The following ANXA4 variants were observed in gnomAD, a reference collection of about 807,000 sequenced individuals.
ANXA4 encodes the protein annexin A4, also known as 35-beta calcimedin.
ANXA4 carries 39 observed loss-of-function variants against 49.8 expected under a neutral mutation model. That is an observed-to-expected ratio of 0.78 (90% CI 0.61 to 1.02). The LOEUF is 1.02. Ranked by LOEUF, ANXA4 falls within the 50% of genes least tolerant of loss-of-function variation. ANXA4 has a pLI of 0.00. For synonymous variants in ANXA4, 134 were observed against 152.5 expected (o/e 0.88, Z 0.89); for missense variants, 360 against 410.1 (o/e 0.88, Z 1.05).
At chr2:69,740,713 CA>C (rs1670368400), upstream of ANXA4, among the ~76,000 whole-genome samples, 1 of 105,100 alleles carries the variant, frequency 9.5e-6, no homozygotes, top group African/African-American at 4.1e-5. Context: ...GACAATGTCT[CA>C]CTCTGTCGCC....
rs1474981846 is a variant in ANXA4 at position 69,759,363 on chromosome 2, G to A, written c.-47+17188G>A. Among the ~76,000 whole-genome samples the A allele has an allele frequency of 6.6e-5, 10 of 152,104 alleles. 1 individual carries two copies. The highest frequency in any genetic ancestry group is 4.1e-4 in the South Asian group (2 of 4,826). On this transcript the variant is annotated intron_variant, in intron 1 of 12. Transcript: ENST00000394295. ...CACTGGAATAAACAGAAAGTAGATG[G>A]TAAGTTTACATTACTTTAAAAAATG...
chr2:69,653,912 A>G (rs1415648841), intron 2 of ANXA4, among the ~76,000 whole-genome samples: 1 of 152,182 alleles, frequency 6.6e-6, no homozygotes, highest in African/African-American at 2.4e-5. Flanking sequence ...CTTTCTATCT[A>G]TGAGCATGGA....
Position 69,801,430 on chromosome 2 carries a change from C to A in ANXA4, c.98-3103C>A, listed in dbSNP as rs559042951. ...TTTTTTTTTCTTTTTTGAGATGGGG[C>A]CTCGCTCTGTCACTCAGGCTGTGGC... On this transcript the variant is annotated intron_variant, in intron 3 of 12. Coordinates refer to ENST00000394295, the MANE Select transcript of ANXA4 (RefSeq NM_001153.5). 1.3e-3 allele frequency among the ~76,000 whole-genome samples: 188 copies of A among 150,312 alleles called. 1 individual carries two copies. Among genetic ancestry groups the A allele is most frequent in the Middle Eastern group, 7.0e-3 (2 of 286 alleles).
In ANXA4 at chr2:69,786,857, G is replaced by A. The variant is rs376173790; in HGVS notation, c.10-1197G>A. Among the ~76,000 whole-genome samples, 44 of 152,234 alleles carry A rather than the reference G, an allele frequency of 2.9e-4. 1 individual carries two copies. In the East Asian group the frequency reaches 7.5e-3, roughly 26 times the overall value. On this transcript the variant is annotated intron_variant, in intron 2 of 12. Transcript: ENST00000394295. Reference sequence around the variant, plus strand: ...CCACCTCAGCTTCCTGAGTAGCTGGGACTACAGGCCTGTGCCACCATGTGT... The same window carrying A: ...CCACCTCAGCTTCCTGAGTAGCTGGAACTACAGGCCTGTGCCACCATGTGT...
At chr2:69,686,045 AAC>A (rs1275005533) in intron 2 of ANXA4, among the ~76,000 whole-genome samples, 1 of 152,214 alleles carries the variant, frequency 6.6e-6, no homozygotes, top group Non-Finnish European at 1.5e-5. Flanking sequence ...ATAATAATTA[AAC>A]ACAGTAAAAT....
intron 2 of ANXA4, among the ~76,000 whole-genome samples, chr2:69,712,071 G>T (rs1385075857): frequency 1.3e-5 from 2 of 151,042 alleles, no homozygotes; most frequent in Non-Finnish European, 3.0e-5. Context: ...TTCCTGGGGG[G>T]TCTTAGACAC....
chr2:69,718,219 C>T (rs889475781), intron 2 of ANXA4, among the ~76,000 whole-genome samples: 2 of 152,088 alleles, frequency 1.3e-5, no homozygotes, highest in Non-Finnish European at 2.9e-5. Flanking sequence ...GAAGTGAGGA[C>T]CCCAGATTTG....
chr2:69,809,400 G>C (rs939863352), intron 6 of ANXA4: 1 of 152,166 alleles, frequency 6.6e-6, no homozygotes, highest in Non-Finnish European at 1.5e-5. Flanking sequence ...GCTGTGAAGG[G>C]CTGGAGCTTC....
At chr2:69,820,152 G>GT (rs1438164958) in intron 11 of ANXA4, among the ~76,000 whole-genome samples, 6 of 150,562 alleles carry the variant, frequency 4.0e-5, no homozygotes, top group Non-Finnish European at 8.9e-5. Context: ...GCCTAGGCAA[G>GT]TATGTGCAAA....
intron 2 of ANXA4, among the ~76,000 whole-genome samples, chr2:69,693,758 AG>A: frequency 6.6e-6 from 1 of 152,196 alleles, no homozygotes; most frequent in Non-Finnish European, 1.5e-5. Context: ...AGGTTTAACA[AG>A]GGGCAGTAGC....
chr2:69,652,339 A>C (rs1191402665), intron 1 of ANXA4, among the ~76,000 whole-genome samples: 1 of 152,008 alleles, frequency 6.6e-6, no homozygotes, highest in African/African-American at 2.4e-5. Context: ...TTTTCTTTTT[A>C]TATGCTGTAG....
intron 3 of ANXA4, among the ~76,000 whole-genome samples, chr2:69,789,103 A>G (rs189367222): frequency 2.0e-4 from 31 of 152,306 alleles, no homozygotes; most frequent in African/African-American, 7.5e-4. Context: ...TTGTTTTCCA[A>G]TTAGTGCTGG....
chr2:69,788,150 C>G lies in ANXA4; in HGVS notation c.97+9C>G. On this transcript the variant is annotated intron_variant, in intron 3 of 12. Coordinates refer to ENST00000394295, the MANE Select transcript of ANXA4 (RefSeq NM_001153.5). Reference sequence around the variant, plus strand: ...GGCCATGAAAGGGCTCGGTATGTGTCCTGCTGGAAGTGAATCCTCCTGCGT... The same window carrying G: ...GGCCATGAAAGGGCTCGGTATGTGTGCTGCTGGAAGTGAATCCTCCTGCGT... The G allele has an allele frequency of 6.2e-7, 1 of 1,611,756 alleles. No individual in the cohort carries two copies. The highest frequency in any genetic ancestry group is 8.5e-7 in the Non-Finnish European group (1 of 1,177,994).
chr2:69,791,753 G>A (rs965989912), intron 3 of ANXA4, among the ~76,000 whole-genome samples: 1 of 152,124 alleles, frequency 6.6e-6, no homozygotes, highest in East Asian at 1.9e-4. Context: ...ACTTGTTAAA[G>A]TCCCATGGCT....
At chr2:69,699,077 A>C (rs1414646524) in intron 2 of ANXA4, among the ~76,000 whole-genome samples, 1 of 152,224 alleles carries the variant, frequency 6.6e-6, no homozygotes, top group East Asian at 1.9e-4. Flanking sequence ...GATATGAATC[A>C]TGGGTAAAGA....
At chr2:69,824,848 G>A (rs1674393194) in intron 12 of ANXA4, among the ~76,000 whole-genome samples, 2 of 152,024 alleles carry the variant, frequency 1.3e-5, no homozygotes, top group Non-Finnish European at 2.9e-5. Flanking sequence ...CAGATCATGA[G>A]ATCAGGAGAT....
At chr2:69,811,999 T>C (rs867597084) in intron 7 of ANXA4, among the ~76,000 whole-genome samples, 2 of 152,260 alleles carry the variant, frequency 1.3e-5, no homozygotes, top group Middle Eastern at 6.8e-3. Flanking sequence ...CTTCAGAGGC[T>C]TCCACCCTGC....
Position 69,818,662 on chromosome 2 carries a change from C to G in ANXA4, c.692C>G (p.Ser231Cys). 6.2e-7 allele frequency: 1 copy of G among 1,609,418 alleles called. No homozygotes were observed. The highest frequency in any genetic ancestry group is 1.1e-5 in the South Asian group (1 of 90,324). ...GAACAGAGTATTAAATCTGAAACATCTGGTAGCTTTGAAGATGCTCTGCTG... is the reference window on the plus strand; with the variant it reads ...GAACAGAGTATTAAATCTGAAACATGTGGTAGCTTTGAAGATGCTCTGCTG... Reference protein sequence around the residue: ...DIEQSIKSETSGSFEDALLAI... With the variant: ...DIEQSIKSETCGSFEDALLAI... The change falls in exon 10 of 13, where the codon TCT (serine) becomes TGT (cysteine). Residue 231 changes from serine to cysteine, a missense_variant. By Grantham distance (112) the Ser-to-Cys change is moderately radical. Coordinates refer to ENST00000394295, the MANE Select transcript of ANXA4 (RefSeq NM_001153.5).
chr2:69,753,510 G>T (rs1339836602), intron 1 of ANXA4, among the ~76,000 whole-genome samples: 1 of 152,162 alleles, frequency 6.6e-6, no homozygotes, highest in Non-Finnish European at 1.5e-5. Flanking sequence ...CTGTACAATC[G>T]ATATTAAGTA....
Sources: allele counts gnomAD v4.1 joint callset (sites outside exome capture counted in the v4.1 genomes callset), GRCh38; gene constraint gnomAD v4.1.1; transcripts MANE v1.5; gene names NCBI Gene and HGNC (gene_info 2026-07-23, HGNC 2026-07-21).